Variants in ELAPOR1 observed in about 807,000 individuals in gnomAD.
The protein encoded by ELAPOR1 is endosome-lysosome associated apoptosis and autophagy regulator 1.
A neutral mutation model predicts 119.7 loss-of-function variants in ELAPOR1; 77 were observed. The observed-to-expected ratio is 0.64, with a 90% CI of 0.54 to 0.78. ELAPOR1 has a LOEUF of 0.78. Ranked by LOEUF, ELAPOR1 falls within the 30% of genes least tolerant of loss-of-function variation. The probability of loss-of-function intolerance (pLI) is 0.00; values close to 1 mark genes in which losing one functional copy is unlikely to be tolerated. For missense variants in ELAPOR1, 1,115 were observed against 1,270.4 expected (o/e 0.88, Z 1.86); for synonymous variants, 481 against 487.2 (o/e 0.99, Z 0.17).
At chr1:109,192,513 C>A in intron 13 of ELAPOR1, 98 bp from the exon 14 acceptor site, 2 of 1,264,196 alleles carry the variant, frequency 1.6e-6, no homozygotes, top group Non-Finnish European at 1.1e-6. Flanking sequence ...TTAAGTATCA[C>A]AGGATAGAAG....
intron 14 of ELAPOR1, among the ~76,000 whole-genome samples, chr1:109,194,029 A>C (rs1653618872): frequency 6.6e-6 from 1 of 152,176 alleles, no homozygotes; most frequent in Non-Finnish European, 1.5e-5. Context: ...AGGAGGGAGC[A>C]AGAAAAGTTT....
Position 109,114,206 on chromosome 1 carries a change from A to G in ELAPOR1, c.23A>G (p.His8Arg). 6.2e-7 allele frequency: 1 copy of G among 1,603,520 alleles called. No homozygotes were observed. Among genetic ancestry groups the G allele is most frequent in the Non-Finnish European group, 8.5e-7 (1 of 1,174,934 alleles). Residue 8 changes from histidine (H) to arginine (R), a missense_variant, in exon 1 of 22, where the codon CAC becomes CGC. Transcript: ENST00000369939. Reference protein sequence around the residue: MAEPGHSHHLSARVRGRT... With the variant: MAEPGHSRHLSARVRGRT... ...GCTATGGCTGAGCCTGGGCACAGCC[A>G]CCATCTCTCCGCCAGAGTCAGGGGA...
At chr1:109,139,230 G>A (rs1018547028) in intron 1 of ELAPOR1, among the ~76,000 whole-genome samples, 6 of 152,004 alleles carry the variant, frequency 3.9e-5, no homozygotes, top group African/African-American at 1.4e-4. Context: ...AACGCCTGTA[G>A]TCCCAGCCAT....
intron 1 of ELAPOR1, among the ~76,000 whole-genome samples, chr1:109,149,328 C>T (rs1307318745): frequency 6.6e-6 from 1 of 151,104 alleles, no homozygotes; most frequent in African/African-American, 2.4e-5. Flanking sequence ...AACCAGTTTA[C>T]AAAGAGCTTG....
At chr1:109,185,883 G>A (rs980378018) in intron 8 of ELAPOR1, among the ~76,000 whole-genome samples, 1 of 152,176 alleles carries the variant, frequency 6.6e-6, no homozygotes, top group East Asian at 1.9e-4. Context: ...TTGTTCAACA[G>A]TCAACAAATA....
At chr1:109,147,225 T>G (rs1650232814) in intron 1 of ELAPOR1, among the ~76,000 whole-genome samples, 1 of 152,096 alleles carries the variant, frequency 6.6e-6, no homozygotes, top group Non-Finnish European at 1.5e-5. Flanking sequence ...CTATTTAATT[T>G]TTTTAAGTAA....
At chr1:109,199,340 T>C (rs543549120) in intron 18 of ELAPOR1, among the ~76,000 whole-genome samples, 31 of 152,164 alleles carry the variant, frequency 2.0e-4, no homozygotes, top group African/African-American at 7.2e-4. Context: ...ACTGGGGAGA[T>C]GGGGAGCAAA....
chr1:109,165,142 A>T (rs1176647581), intron 3 of ELAPOR1, among the ~76,000 whole-genome samples: 1 of 152,080 alleles, frequency 6.6e-6, no homozygotes, highest in Admixed American at 6.5e-5. Context: ...AAGTTAAAAA[A>T]TTTGCCAGGT....
intron 1 of ELAPOR1, among the ~76,000 whole-genome samples, chr1:109,119,482 C>A (rs1442463320): frequency 1.4e-5 from 2 of 145,052 alleles, no homozygotes; most frequent in East Asian, 4.2e-4. Context: ...CCGCACTCAG[C>A]CTGCTTTTTT....
At chr1:109,174,158 G>A (rs556610853) in intron 7 of ELAPOR1, among the ~76,000 whole-genome samples, 49 of 150,632 alleles carry the variant, frequency 3.3e-4, no homozygotes, top group Non-Finnish European at 6.5e-4. Flanking sequence ...GACTACCAGC[G>A]TGCCCCACCA....
Position 109,118,593 on chromosome 1 carries a change from G to A in ELAPOR1, c.153+4257G>A, listed in dbSNP as rs377709872. ...TGGGGGCAGTGGAATACATGGAAAG[G>A]CGTCTGTGTGAAAAACATGCTGACG... On this transcript the variant is annotated intron_variant, in intron 1 of 21. Coordinates refer to ENST00000369939, the MANE Select transcript of ELAPOR1 (RefSeq NM_020775.5). Among the ~76,000 whole-genome samples the A allele has an allele frequency of 8.5e-5, 13 of 152,290 alleles. No individual in the cohort carries two copies. In the East Asian group the frequency reaches 2.1e-3, roughly 25 times the overall value.
At chr1:109,182,059 TG>T (rs1652733438) in intron 7 of ELAPOR1, among the ~76,000 whole-genome samples, 1 of 152,178 alleles carries the variant, frequency 6.6e-6, no homozygotes, top group Admixed American at 6.5e-5. Flanking sequence ...CGGCTGGGCA[TG>T]GTGGCTCACA....
At chr1:109,198,201 T>C (rs768009107) in intron 17 of ELAPOR1, 126 bp downstream of exon 17, 29 of 739,906 alleles carry the variant, frequency 3.9e-5, no homozygotes, top group Non-Finnish European at 6.3e-5. Flanking sequence ...CTAGCAGATC[T>C]GCCCAGTCAT....
At chr1:109,189,897 C>G (rs576682501) in intron 11 of ELAPOR1, among the ~76,000 whole-genome samples, 2 of 152,240 alleles carry the variant, frequency 1.3e-5, no homozygotes, top group Non-Finnish European at 2.9e-5. Context: ...TGCTCTCTCT[C>G]CCGTATAGCT....
At chr1:109,121,856 C>T (rs1648443053) in intron 1 of ELAPOR1, among the ~76,000 whole-genome samples, 1 of 151,156 alleles carries the variant, frequency 6.6e-6, no homozygotes, top group Non-Finnish European at 1.5e-5. Flanking sequence ...TCACTGCAAC[C>T]TCTGCTTCCC....
In ELAPOR1 at chr1:109,172,023, T is replaced by C. The variant is rs772064829; in HGVS notation, c.615+10T>C. 3.0e-5 allele frequency: 49 copies of C among 1,614,030 alleles called. No homozygotes were observed. Among genetic ancestry groups the C allele is most frequent in the Non-Finnish European group, 4.1e-5 (48 of 1,179,986 alleles). On this transcript the variant is annotated intron_variant, in intron 4 of 21. Coordinates refer to ENST00000369939, the MANE Select transcript of ELAPOR1 (RefSeq NM_020775.5). ...CATCTTTGAGTTTTTCGTAAGCCCC[T>C]GGCCAAGGTGGAGGGTGGGAGCTAA...
intron 4 of ELAPOR1, 150 bp downstream of exon 4, chr1:109,172,163 C>T (rs1346938349): frequency 3.0e-6 from 3 of 994,526 alleles, no homozygotes; most frequent in African/African-American, 3.3e-5. Flanking sequence ...TGAGCTGAGG[C>T]CCAGGAGGCA....
chr1:109,144,061 A>ATATATATATTTTTTTT, intron 1 of ELAPOR1, among the ~76,000 whole-genome samples: 6 of 89,014 alleles, frequency 6.7e-5, no homozygotes, highest in African/African-American at 1.9e-4. Context: ...ATATTTATAT[A>ATATATATATTTTTTTT]TTTTTTTTTT....
chr1:109,165,790 G>T (rs1283007017), intron 3 of ELAPOR1, among the ~76,000 whole-genome samples: 4 of 147,968 alleles, frequency 2.7e-5, no homozygotes, highest in Non-Finnish European at 3.0e-5. Context: ...TGTCGCCCAG[G>T]CTGGAGTGCA....
Sources: allele counts gnomAD v4.1 joint callset (sites outside exome capture counted in the v4.1 genomes callset), GRCh38; gene constraint gnomAD v4.1.1; transcripts MANE v1.5; gene names NCBI Gene and HGNC (gene_info 2026-07-23, HGNC 2026-07-21).